The following FRMD4A variants were observed in gnomAD, a reference collection of about 807,000 sequenced individuals.
FRMD4A encodes the protein FERM domain-containing protein 4A.
In FRMD4A, 29 loss-of-function variants were observed where a neutral mutation model predicts 129.1. That is an observed-to-expected ratio of 0.22 (90% confidence interval 0.17 to 0.31). The LOEUF (loss-of-function observed/expected upper bound fraction) is 0.31, where lower values mean the gene tolerates loss of function less well. Ranked by LOEUF, FRMD4A falls within the 10% of genes least tolerant of loss-of-function variation. The pLI, the probability that FRMD4A is intolerant of heterozygous loss-of-function variation, is 1.00. For synonymous variants in FRMD4A, 634 were observed against 571.6 expected (o/e 1.11, Z -1.56); for missense variants, 1,272 against 1,375.8 (o/e 0.92, Z 1.19).
chr10:13,696,486 T>C (rs1488023237), intron 14 of FRMD4A, among the ~76,000 whole-genome samples: 1 of 152,174 alleles, frequency 6.6e-6, no homozygotes, highest in Admixed American at 6.5e-5. Context: ...CTCAAGCCTG[T>C]CCATCCCAGC....
chr10:14,129,329 G>A (rs1839102508), intron 2 of FRMD4A, among the ~76,000 whole-genome samples: 1 of 139,500 alleles, frequency 7.2e-6, no homozygotes, highest in Admixed American at 7.5e-5. Context: ...AGAGCCTCAG[G>A]GGTTGCAATC....
chr10:13,753,289 T>C (rs775198636), intron 8 of FRMD4A, among the ~76,000 whole-genome samples: 6 of 152,324 alleles, frequency 3.9e-5, no homozygotes, highest in African/African-American at 1.2e-4. Context: ...ACATGCTTTT[T>C]TCCCCAGGTG....
intron 2 of FRMD4A, among the ~76,000 whole-genome samples, chr10:14,185,433 C>A (rs1032007010): frequency 2.0e-5 from 3 of 152,198 alleles, no homozygotes; most frequent in Admixed American, 2.0e-4. Flanking sequence ...AGAGCTAGTA[C>A]AGATGAGGAT....
chr10:13,972,038 A>G lies in FRMD4A; in HGVS notation c.46-113126T>C, dbSNP rs571062905. ...AGCAAAAGGCTCTTAACTCCCTCCC[A>G]AAGTGTTTTCTCCTTGTCTCTGGGG... On this transcript the variant is annotated intron_variant, in intron 2 of 24. Transcript: ENST00000357447. 2.6e-6 allele frequency: 3 copies of G among 1,161,274 alleles called. No homozygotes were observed. The South Asian group carries it at 5.4e-5, about 21-fold the overall frequency. 71.9% of individuals were successfully genotyped at this position (1,161,274 alleles called of 1,614,324 possible).
At chr10:13,700,666 T>C (rs962514577) in intron 14 of FRMD4A, among the ~76,000 whole-genome samples, 4 of 151,942 alleles carry the variant, frequency 2.6e-5, no homozygotes, top group Admixed American at 2.6e-4. Context: ...AGAGTGTTGA[T>C]ATAAGCCCTG....
chr10:13,695,933 A>G (rs1176866281), intron 14 of FRMD4A, among the ~76,000 whole-genome samples: 2 of 152,220 alleles, frequency 1.3e-5, no homozygotes, highest in Non-Finnish European at 2.9e-5. Context: ...TGGCAAGGAC[A>G]GCGACTTCCG....
At chr10:14,159,782 A>T (rs1840787491) in intron 2 of FRMD4A, among the ~76,000 whole-genome samples, 1 of 152,124 alleles carries the variant, frequency 6.6e-6, no homozygotes, top group African/African-American at 2.4e-5. Flanking sequence ...GGGCACAGTG[A>T]CTCCCTCCTG....
At chr10:13,885,500 C>G (rs117757337) in intron 2 of FRMD4A, among the ~76,000 whole-genome samples, 1 of 152,180 alleles carries the variant, frequency 6.6e-6, no homozygotes, top group African/African-American at 2.4e-5. Flanking sequence ...GAGACCAGGG[C>G]GAGGTCCCTC....
intron 14 of FRMD4A, among the ~76,000 whole-genome samples, chr10:13,699,872 C>T (rs963228533): frequency 1.3e-5 from 2 of 152,120 alleles, no homozygotes; most frequent in Admixed American, 6.5e-5. Flanking sequence ...CAAATTCCTG[C>T]GCTAGGACTA....
In FRMD4A at chr10:13,868,464, C is replaced by T. The variant is rs1229662501; in HGVS notation, c.46-9552G>A. On this transcript the variant is annotated intron_variant, in intron 2 of 24. Coordinates refer to ENST00000357447, the MANE Select transcript of FRMD4A (RefSeq NM_018027.5). Reference sequence around the variant, plus strand: ...ATTTTGCTCTATGACCTCTGGCAAACGATTCCACCTGTCTTTATTGTGACT... The same window carrying T: ...ATTTTGCTCTATGACCTCTGGCAAATGATTCCACCTGTCTTTATTGTGACT... Among the ~76,000 whole-genome samples the T allele has an allele frequency of 5.3e-5, 8 of 152,168 alleles. No individual in the cohort carries two copies. The East Asian group carries it at 7.7e-4, about 15-fold the overall frequency.
rs552679728 is a variant in FRMD4A, at chr10:13,680,077, C to G, written c.1118-5033G>C. On this transcript the variant is annotated intron_variant, in intron 15 of 24. Transcript: ENST00000357447. ...AAGAGGTGGAGGTTCACTCTCACTGCCTGCCTTGATGCCCTCAAGTGACAG... is the reference window on the plus strand; with the variant it reads ...AAGAGGTGGAGGTTCACTCTCACTGGCTGCCTTGATGCCCTCAAGTGACAG... Among the ~76,000 whole-genome samples, 163 of 152,334 alleles carry G rather than the reference C, an allele frequency of 1.1e-3. 4 individuals are homozygous for G. The South Asian group carries it at 0.033, about 31-fold the overall frequency.
chr10:13,660,274 T>C lies in FRMD4A; in HGVS notation c.1898+42A>G, dbSNP rs74936412. On this transcript the variant is annotated intron_variant, in intron 20 of 24. Coordinates refer to ENST00000357447, the MANE Select transcript of FRMD4A (RefSeq NM_018027.5). ...ACGGCCCTTTGATTCTTCCAGAGCA[T>C]AGAGGGAGGCCTCATTTGGCCTCAT... is the stretch of plus-strand genomic sequence containing the variant. The C allele has an allele frequency of 2.8e-3, 3,464 of 1,249,024 alleles. 76 individuals carry two copies. The African/African-American group carries it at 0.042, about 15-fold the overall frequency. 77.4% of individuals were successfully genotyped at this position (1,249,024 alleles called of 1,614,324 possible). A position where few individuals can be genotyped will look rare whatever the true frequency, so the allele number is the denominator to read the frequency against.
At chr10:14,000,135 A>G (rs1315618850) in intron 2 of FRMD4A, among the ~76,000 whole-genome samples, 1 of 152,248 alleles carries the variant, frequency 6.6e-6, no homozygotes, top group African/African-American at 2.4e-5. Context: ...ATCCACTCCC[A>G]GATTAGAATA....
chr10:13,921,320 T>C (rs183887215), intron 2 of FRMD4A, among the ~76,000 whole-genome samples: 11 of 148,080 alleles, frequency 7.4e-5, no homozygotes, highest in Admixed American at 2.0e-4. Context: ...TGGAGTGGAG[T>C]GTGCAATCAT....
At chr10:14,045,716 A>G (rs148286353) in intron 2 of FRMD4A, among the ~76,000 whole-genome samples, 1 of 146,086 alleles carries the variant, frequency 6.8e-6, no homozygotes, top group African/African-American at 2.5e-5. Flanking sequence ...AATATTTATC[A>G]TATTATATTA....
intron 3 of FRMD4A, among the ~76,000 whole-genome samples, chr10:13,832,303 G>T (rs531814142): frequency 2.0e-5 from 3 of 152,186 alleles, no homozygotes; most frequent in East Asian, 1.9e-4. Flanking sequence ...CCAGCATCAA[G>T]GATTGTCCAC....
At chr10:13,843,819 T>C (rs1447375756) in intron 3 of FRMD4A, among the ~76,000 whole-genome samples, 3 of 152,062 alleles carry the variant, frequency 2.0e-5, no homozygotes, top group Non-Finnish European at 4.4e-5. Flanking sequence ...TTTTGAACAT[T>C]ATTGTGCAAG....
chr10:14,061,254 T>C (rs1834798161), intron 2 of FRMD4A, among the ~76,000 whole-genome samples: 1 of 150,790 alleles, frequency 6.6e-6, no homozygotes, highest in Non-Finnish European at 1.5e-5. Context: ...AAGACCAGCT[T>C]GATCAACATG....
Position 13,821,215 on chromosome 10 carries a change from C to T in FRMD4A, c.112-10307G>A, listed in dbSNP as rs1038051742. On this transcript the variant is annotated intron_variant, in intron 3 of 24. Transcript: ENST00000357447. The surrounding 1 kb of genome is among the most constrained non-coding windows in gnomAD (Gnocchi z 4.3). The stretch of plus-strand genomic sequence containing the variant: ...TCTGGGCGGCGACTCCCCTCCTTGT[C>T]GCCCTGCTGCTTAGCTGGGAAGGCT... 1.3e-5 allele frequency among the ~76,000 whole-genome samples: 2 copies of T among 152,138 alleles called. No homozygotes were observed. Among genetic ancestry groups the T allele is most frequent in the East Asian group, 1.9e-4 (1 of 5,188 alleles).
Sources: allele counts gnomAD v4.1 joint callset (sites outside exome capture counted in the v4.1 genomes callset), GRCh38; gene constraint gnomAD v4.1.1; non-coding constraint Gnocchi (gnomAD v3.1); transcripts MANE v1.5; gene names NCBI Gene and HGNC (gene_info 2026-07-23, HGNC 2026-07-21).